Variants in EYS observed in about 807,000 individuals in gnomAD.
The protein encoded by EYS is EGF-like photoreceptor maintenance factor, also known as protein eyes shut homolog.
A neutral mutation model predicts 282.1 loss-of-function variants in EYS; 250 were observed. The observed-to-expected ratio is 0.89, with a 90% CI of 0.80 to 0.98. The LOEUF is 0.98. Ranked by LOEUF, EYS falls within the 50% of genes least tolerant of loss-of-function variation. The probability of loss-of-function intolerance (pLI) is 0.00; values close to 1 mark genes in which losing one functional copy is unlikely to be tolerated. For missense variants in EYS, 4,016 were observed against 3,709.0 expected (o/e 1.08, Z -2.15); for synonymous variants, 1,355 against 1,282.9 (o/e 1.06, Z -1.20).
At position 64,115,235 on chromosome 6, in the gene EYS, A is replaced by AC. The variant is rs1773338017; in HGVS notation, c.6425-33234dup. 3.3e-5 allele frequency among the ~76,000 whole-genome samples: 5 copies of AC among 152,194 alleles called. No individual in the cohort carries two copies. The South Asian group carries it at 8.3e-4, about 25-fold the overall frequency. ...CTCTTTAAGCACCTGTGCTTCATGC[A>AC]CCAATGCTGCAGTTCGGGGGTGGGG... On this transcript the variant is annotated intron_variant, in intron 31 of 42. Coordinates refer to ENST00000503581, the MANE Select transcript of EYS (RefSeq NM_001142800.2).
At chr6:64,476,442 G>T (rs374316622) in intron 26 of EYS, among the ~76,000 whole-genome samples, 11 of 151,946 alleles carry the variant, frequency 7.2e-5, no homozygotes, top group African/African-American at 2.7e-4. Flanking sequence ...CTTTCAGAAT[G>T]ATAAAATAGT....
intron 12 of EYS, among the ~76,000 whole-genome samples, chr6:65,072,062 A>T (rs1773918230): frequency 6.6e-6 from 1 of 151,790 alleles, no homozygotes. Context: ...TACAAAATGG[A>T]CTAAGACAAA....
intron 41 of EYS, among the ~76,000 whole-genome samples, chr6:63,727,737 A>AAAAATATATAT (rs1554164607): frequency 2.7e-5 from 1 of 36,738 alleles, no homozygotes; most frequent in Non-Finnish European, 4.3e-5. Flanking sequence ...AAAAAAAAAA[A>AAAAATATATAT]ATATATATAT....
At chr6:65,620,578 T>C (rs577770063) in intron 2 of EYS, among the ~76,000 whole-genome samples, 76 of 151,068 alleles carry the variant, frequency 5.0e-4, no homozygotes, top group African/African-American at 1.6e-3. Flanking sequence ...TTTTAGTTAT[T>C]TCTTGCCTTC....
chr6:65,085,515 T>C (rs1470909705), intron 12 of EYS, among the ~76,000 whole-genome samples: 1 of 152,170 alleles, frequency 6.6e-6, no homozygotes, highest in Non-Finnish European at 1.5e-5. Flanking sequence ...TGTGTGATCT[T>C]GAATAGGTGG....
chr6:64,913,711 T>C (rs898761584), intron 15 of EYS, among the ~76,000 whole-genome samples: 1 of 152,146 alleles, frequency 6.6e-6, no homozygotes, highest in African/African-American at 2.4e-5. Context: ...AGCACTATGA[T>C]AAACATATGA....
At chr6:64,817,294 C>T (rs1387831331) in intron 21 of EYS, among the ~76,000 whole-genome samples, 1 of 152,014 alleles carries the variant, frequency 6.6e-6, no homozygotes, top group Non-Finnish European at 1.5e-5. Context: ...CCTTTAGAGT[C>T]TGTGTTCAAA....
Position 64,591,823 on chromosome 6 carries a change from A to G in EYS, c.4044T>C (p.Ser1348=). The G allele has an allele frequency of 1.3e-6, 2 of 1,551,288 alleles. No individual in the cohort carries two copies. The highest frequency in any genetic ancestry group is 1.7e-6 in the Non-Finnish European group (2 of 1,146,732). ...SLLSSADVSS[S]RFLNFGIRDP... The stretch of plus-strand genomic sequence containing the variant: ...CACGAATACCAAAATTCAGGAATCG[A>G]GAAGAGGAAACATCTGCGGAAGAAA... Residue 1348 remains serine, a synonymous_variant, in exon 26 of 43, where the codon TCT becomes TCC. Transcript: ENST00000503581.
intron 8 of EYS, among the ~76,000 whole-genome samples, chr6:65,353,948 C>T (rs868341289): frequency 9.9e-5 from 15 of 151,892 alleles, no homozygotes; most frequent in South Asian, 8.3e-4. Flanking sequence ...TTAAGAGATA[C>T]ACCATTTAAA....
chr6:64,548,270 C>T (rs916837596), intron 26 of EYS, among the ~76,000 whole-genome samples: 8 of 152,184 alleles, frequency 5.3e-5, no homozygotes, highest in African/African-American at 1.2e-4. Context: ...GTCAGTGTGG[C>T]GATTCCTCAG....
At chr6:64,917,301 T>C (rs775976438) in intron 15 of EYS, among the ~76,000 whole-genome samples, 1 of 151,742 alleles carries the variant, frequency 6.6e-6, no homozygotes, top group Non-Finnish European at 1.5e-5. Context: ...TAAATGTCAA[T>C]TTCTAATGAC....
At chr6:65,605,220 G>T (rs1765745032) in intron 2 of EYS, among the ~76,000 whole-genome samples, 1 of 151,348 alleles carries the variant, frequency 6.6e-6, no homozygotes, top group Non-Finnish European at 1.5e-5. Flanking sequence ...ATAATATAAT[G>T]CAATTGAATA....
chr6:63,721,174 A>C lies in EYS; in HGVS notation c.8857T>G (p.Ser2953Ala). 6.4e-7 allele frequency: 1 copy of C among 1,551,638 alleles called. No homozygotes were observed. The highest frequency in any genetic ancestry group is 1.4e-5 in the African/African-American group (1 of 73,172). Residue 2953 changes from serine to alanine, a missense_variant, in exon 43 of 43, where the codon TCA becomes GCA. Ser to Ala is a moderately conservative substitution (Grantham distance 99, BLOSUM62 1). Coordinates refer to ENST00000503581, the MANE Select transcript of EYS (RefSeq NM_001142800.2). Reference sequence around the variant, plus strand: ...CCCATAAATTTTGCAGTTGAAAATGAAGTTTTGTTTTCACAATACCTTCCC... The same window carrying C: ...CCCATAAATTTTGCAGTTGAAAATGCAGTTTTGTTTTCACAATACCTTCCC... The part of the protein sequence containing the change: ...WVGRYCENKT[S>A]FSTAKFMGNS...
In EYS at chr6:65,384,411, C is replaced by T. The variant is rs1064796021; in HGVS notation, c.1274G>A (p.Cys425Tyr). 1.9e-6 allele frequency: 3 copies of T among 1,605,576 alleles called. No individual in the cohort carries two copies. The highest frequency in any genetic ancestry group is 2.6e-6 in the Non-Finnish European group (3 of 1,174,296). Residue 425 changes from cysteine (C) to tyrosine (Y), a missense_variant, in exon 8 of 43, where the codon TGT becomes TAT. Coordinates refer to ENST00000503581, the MANE Select transcript of EYS (RefSeq NM_001142800.2). ...LSINCLNEEW[C>Y]FNIIGRFKYV... ...TTTGAATCTTCCAATTATATTGAAA[C>T]ACCATTCTTCATTCAGACAGTTGAT...
intron 21 of EYS, among the ~76,000 whole-genome samples, chr6:64,814,415 T>C (rs563536475): frequency 6.6e-6 from 1 of 152,170 alleles, no homozygotes; most frequent in African/African-American, 2.4e-5. Flanking sequence ...AAACGTCATA[T>C]GTGATCAGTA....
chr6:65,148,225 A>T lies in EYS; in HGVS notation c.2024-90498T>A, dbSNP rs181981544. Among the ~76,000 whole-genome samples, 10 of 152,268 alleles carry T rather than the reference A, an allele frequency of 6.6e-5. No homozygotes were observed. In the East Asian group the frequency reaches 1.7e-3, roughly 27 times the overall value. ...TCCAAAGTCTCATCTGAGACAAGGCAAGACCCTTCTGCCTATGAGCCTGTA... is the reference window on the plus strand; with the variant it reads ...TCCAAAGTCTCATCTGAGACAAGGCTAGACCCTTCTGCCTATGAGCCTGTA... On this transcript the variant is annotated intron_variant, in intron 12 of 42. Transcript: ENST00000503581.
intron 8 of EYS, among the ~76,000 whole-genome samples, chr6:65,383,335 C>T (rs1447766932): frequency 6.6e-6 from 1 of 151,612 alleles, no homozygotes; most frequent in East Asian, 1.9e-4. Flanking sequence ...CTTTATTTCA[C>T]TTTTATAGTA....
At chr6:65,437,547 T>C (rs1201754057) in intron 5 of EYS, among the ~76,000 whole-genome samples, 1 of 152,158 alleles carries the variant, frequency 6.6e-6, no homozygotes, top group African/African-American at 2.4e-5. Context: ...GATATTTAAG[T>C]ACAGAACTTA....
intron 33 of EYS, among the ~76,000 whole-genome samples, chr6:64,064,685 ATTAAG>A (rs1441366504): frequency 6.6e-6 from 1 of 152,180 alleles, no homozygotes; most frequent in Non-Finnish European, 1.5e-5. Flanking sequence ...GGACTGCTCT[ATTAAG>A]TTATTACTTA....
Sources: allele counts gnomAD v4.1 joint callset (sites outside exome capture counted in the v4.1 genomes callset), GRCh38; gene constraint gnomAD v4.1.1; transcripts MANE v1.5; gene names NCBI Gene and HGNC (gene_info 2026-07-23, HGNC 2026-07-21).